TPM4: variants seen among roughly 807,000 people sequenced by gnomAD.
The protein encoded by TPM4 is tropomyosin 4, also known as tropomyosin alpha-4 chain.
In TPM4, 17 loss-of-function variants were observed where a neutral mutation model predicts 35.8. That is an observed-to-expected ratio of 0.47 (90% CI 0.32 to 0.71). The LOEUF is 0.71. Among genes scored for constraint, TPM4 ranks in the 30% least tolerant of loss-of-function variants. The pLI is 0.03. For missense variants in TPM4, 240 were observed against 320.9 expected (o/e 0.75, Z 1.93); for synonymous variants, 120 against 122.9 (o/e 0.98, Z 0.15).
intron 3 of TPM4, 73 bp downstream of exon 3, chr19:16,086,613 C>A (rs11666144): frequency 1.6e-6 from 2 of 1,272,284 alleles, no homozygotes; most frequent in South Asian, 1.4e-5. Context: ...GGGAGGACAC[C>A]GGGGCCAACG....
intron 7 of TPM4, chr19:16,095,202 C>T (rs57843631): frequency 0.024 from 23,940 of 1,001,940 alleles, 453 homozygotes; most frequent in African/African-American, 0.087. Context: ...CACTCCATTC[C>T]GACCCTTGCC....
intron 3 of TPM4, 146 bp downstream of exon 3, chr19:16,086,686 C>G: frequency 1.5e-6 from 1 of 652,258 alleles, no homozygotes. Flanking sequence ...CCAGAGACAA[C>G]CACTTGGCTA....
intron 7 of TPM4, among the ~76,000 whole-genome samples, chr19:16,098,170 C>T (rs557027659): frequency 2.0e-5 from 3 of 152,266 alleles, no homozygotes; most frequent in East Asian, 3.9e-4. Flanking sequence ...TGGCCGGGCA[C>T]GGTGGCTCAC....
intron 2 of TPM4, among the ~76,000 whole-genome samples, chr19:16,069,404 AGTGT>A (rs200458221): frequency 3.7e-4 from 4 of 10,860 alleles, no homozygotes; most frequent in African/African-American, 1.2e-3. Context: ...TGTGTGTATG[AGTGT>A]GTGTTTCTGT....
At chr19:16,069,421 G>A (rs1292830010) in intron 2 of TPM4, among the ~76,000 whole-genome samples, 1 of 148,880 alleles carries the variant, frequency 6.7e-6, no homozygotes, top group African/African-American at 2.6e-5. Context: ...GTTTCTGTTG[G>A]TGTGTATGTG....
At position 16,070,352 on chromosome 19, in the gene TPM4, C is replaced by T. The variant is rs2090344815; in HGVS notation, c.114+2614C>T. Among the ~76,000 whole-genome samples the T allele has an allele frequency of 6.6e-6, 1 of 152,106 alleles. No homozygotes were observed. The highest frequency in any genetic ancestry group is 1.5e-5 in the Non-Finnish European group (1 of 67,998). ...GGGAGGAAGGAAGGGAGTCCCCTCC[C>T]ACAGAGCCATGTTCCCCACAATGTT... On this transcript the variant is annotated intron_variant, in intron 2 of 2. Coordinates refer to the TPM4 transcript ENST00000589897. This position sits in a 1 kb window ranked among gnomAD's most constrained non-coding sequence, Gnocchi z 7.4.
rs987424807 is a variant in TPM4 at position 16,102,512 on chromosome 19, T to G, written c.*1166T>G. ...TTTTTATCTATTAGCAGAAAGGGCCTCTCTGGCAGCAGAGATTAAAAACTG... is the reference window on the plus strand; with the variant it reads ...TTTTTATCTATTAGCAGAAAGGGCCGCTCTGGCAGCAGAGATTAAAAACTG... On this transcript the variant is annotated 3_prime_UTR_variant, in exon 8 of 8. Transcript: ENST00000643579. 4 of 226,268 alleles carry G rather than the reference T, an allele frequency of 1.8e-5. No individual in the cohort carries two copies. The highest frequency in any genetic ancestry group is 8.9e-5 in the African/African-American group (4 of 44,900). The allele number at this position is 226,268 out of a possible 1,614,324, so 14.0% of individuals were successfully genotyped here.
chr19:16,080,056 T>A (rs369800507), intron 1 of TPM4: 1 of 187,274 alleles, frequency 5.3e-6, no homozygotes, highest in Non-Finnish European at 1.1e-5. Flanking sequence ...TTTGTTCTGA[T>A]AGGAAAAAGC....
intron 2 of TPM4, among the ~76,000 whole-genome samples, chr19:16,069,327 G>T (rs575031059): frequency 2.0e-5 from 1 of 49,762 alleles, no homozygotes; most frequent in South Asian, 7.1e-4. Context: ...TTCTGATGGG[G>T]TGTGTGTATG....
intron 7 of TPM4, among the ~76,000 whole-genome samples, chr19:16,096,936 C>CTTTTT (rs71178641): frequency 0.03 from 2,066 of 68,952 alleles, 500 homozygotes; most frequent in Non-Finnish European, 0.04. Context: ...CAAGGTCACT[C>CTTTTT]TTTTTTTTTT....
At chr19:16,090,978 T>A (rs1223383612) in intron 5 of TPM4, among the ~76,000 whole-genome samples, 1 of 151,806 alleles carries the variant, frequency 6.6e-6, no homozygotes, top group Non-Finnish European at 1.5e-5. Flanking sequence ...AAGGAATGAA[T>A]CCAGTTGGTG....
Position 16,082,031 on chromosome 19 carries a change from C to T in TPM4, c.251C>T (p.Ala84Val). The T allele has an allele frequency of 1.2e-6, 2 of 1,608,942 alleles. No individual in the cohort carries two copies. The highest frequency in any genetic ancestry group is 1.7e-6 in the Non-Finnish European group (2 of 1,175,860). ...AAGCTGGAGGAGGCAGAAAAAGCTGCAGATGAGAGTGAGAGGTAAGGACGC... is the reference window on the plus strand; with the variant it reads ...AAGCTGGAGGAGGCAGAAAAAGCTGTAGATGAGAGTGAGAGGTAAGGACGC... ...LQKLEEAEKA[A>V]DESERGMKVI... The change falls in exon 2 of 8, where the codon GCA becomes GTA. Residue 84 changes from alanine to valine, a missense_variant. Ala to Val is a moderately conservative substitution (Grantham distance 64, BLOSUM62 0). Transcript: ENST00000643579.
chr19:16,089,254 G>C, intron 5 of TPM4, 134 bp downstream of exon 5: 1 of 1,170,944 alleles, frequency 8.5e-7, no homozygotes, highest in Middle Eastern at 2.9e-4. Context: ...TGGCAGCCAG[G>C]GTTTTTCCCC....
At position 16,088,107 on chromosome 19, in the gene TPM4, A is replaced by G. The variant is rs200756013; in HGVS notation, c.455+10A>G. On this transcript the variant is annotated intron_variant, in intron 4 of 7. Transcript: ENST00000643579. ...CGGAGGTGTCTGAACTGTGAGTGGCAGAACAGGACTGAGCGAGGCTGGCTC... is the reference window on the plus strand; with the variant it reads ...CGGAGGTGTCTGAACTGTGAGTGGCGGAACAGGACTGAGCGAGGCTGGCTC... 111 of 1,609,720 alleles carry G rather than the reference A, an allele frequency of 6.9e-5. No homozygotes were observed. In the African/African-American group the frequency reaches 1.3e-3, roughly 19 times the overall value.
chr19:16,080,320 T>A (rs2144926610), intron 1 of TPM4: 1 of 207,796 alleles, frequency 4.8e-6, no homozygotes, highest in Non-Finnish European at 9.8e-6. Flanking sequence ...ATGGGTGCGA[T>A]GTGTGAGGAT....
chr19:16,076,271 G>A (rs1436760492), upstream of TPM4: 1 of 1,525,788 alleles, frequency 6.6e-7, no homozygotes, highest in Non-Finnish European at 8.8e-7. Context: ...AAGAGGAGGA[G>A]GAGAAGGCGG....
chr19:16,091,462 C>T (rs2090626161), intron 5 of TPM4, among the ~76,000 whole-genome samples: 1 of 152,250 alleles, frequency 6.6e-6, no homozygotes, highest in Non-Finnish European at 1.5e-5. Flanking sequence ...TGAACGGTGT[C>T]ACCAAGGAGG....
chr19:16,099,768 C>T (rs541472097), intron 7 of TPM4: 19 of 152,254 alleles, frequency 1.2e-4, no homozygotes, highest in South Asian at 1.0e-3. Context: ...TGCTCTGTCA[C>T]GCATAGCTCT....
intron 7 of TPM4, chr19:16,099,752 C>T (rs2090742949): frequency 6.6e-6 from 1 of 152,184 alleles, no homozygotes; most frequent in South Asian, 2.1e-4. Context: ...ACTAAGTTCT[C>T]TCTCGTGCTC....
Sources: gnomAD v4.1 joint callset for allele counts (sites outside exome capture counted in the v4.1 genomes callset) on GRCh38, gnomAD v4.1.1 for gene constraint, Gnocchi (gnomAD v3.1) non-coding constraint, MANE v1.5 for transcripts, NCBI Gene and HGNC (gene_info 2026-07-23, HGNC 2026-07-21) for gene names.